GALNTL6: variants seen among roughly 807,000 people sequenced by gnomAD.
GALNTL6 encodes the protein polypeptide N-acetylgalactosaminyltransferase-like 6.
GALNTL6 carries 46 observed loss-of-function variants against 73.7 expected under a neutral mutation model. The ratio of observed to expected loss-of-function variants is 0.62; its 90% CI spans 0.49 to 0.80. The LOEUF (loss-of-function observed/expected upper bound fraction) is 0.80. GALNTL6 is among the 30% of genes least tolerant of loss of function. The pLI is 0.00. For synonymous variants in GALNTL6, 259 were observed against 263.7 expected (o/e 0.98, Z 0.17); for missense variants, 604 against 755.0 (o/e 0.80, Z 2.34).
Position 172,325,962 on chromosome 4 carries a change from A to G in GALNTL6, c.386+14210A>G, listed in dbSNP as rs138291637. ...ATTTATCGAAACAGACCATATCATA[A>G]GTTATGAAACAAATGTTAATGAGTT... On this transcript the variant is annotated intron_variant, in intron 4 of 12. Transcript: ENST00000506823. 1.7e-3 allele frequency among the ~76,000 whole-genome samples: 263 copies of G among 151,978 alleles called. 2 individuals are homozygous for G. The East Asian group carries it at 0.018, about 10-fold the overall frequency.
intron 5 of GALNTL6, among the ~76,000 whole-genome samples, chr4:172,649,627 A>G (rs1740387952): frequency 6.6e-6 from 1 of 152,190 alleles, no homozygotes; most frequent in Non-Finnish European, 1.5e-5. Context: ...ATATCTAAGA[A>G]GCACAGCAAT....
At chr4:172,593,482 C>T (rs1339339253) in intron 5 of GALNTL6, among the ~76,000 whole-genome samples, 1 of 152,140 alleles carries the variant, frequency 6.6e-6, no homozygotes, top group Non-Finnish European at 1.5e-5. Flanking sequence ...TAAATTCCAC[C>T]TATGACAAAT....
rs903293456 is a variant in GALNTL6 at position 172,269,719 on chromosome 4, G to T, written c.247+39955G>T. ...TTACAAATCTGAGTCCTGTTTTTAT[G>T]CATTCTCTCTCTCTCTCTCTCTTTA... is the stretch of plus-strand genomic sequence containing the variant. On this transcript the variant is annotated intron_variant, in intron 3 of 12. Transcript: ENST00000506823. Among the ~76,000 whole-genome samples, 20 of 149,110 alleles carry T rather than the reference G, an allele frequency of 1.3e-4. No individual in the cohort carries two copies. The Admixed American group carries it at 1.3e-3, about 10-fold the overall frequency.
chr4:172,838,139 G>T (rs1743011542), intron 7 of GALNTL6, among the ~76,000 whole-genome samples: 1 of 151,950 alleles, frequency 6.6e-6, no homozygotes, highest in Non-Finnish European at 1.5e-5. Flanking sequence ...AGTGGGGGCA[G>T]TTGAGAGATG....
chr4:172,091,014 T>C (rs1732187685), intron 2 of GALNTL6, among the ~76,000 whole-genome samples: 1 of 152,228 alleles, frequency 6.6e-6, no homozygotes, highest in Non-Finnish European at 1.5e-5. Context: ...AGACTTGTGG[T>C]GTAATTTTGA....
At chr4:172,459,196 C>G (rs1278189398) in intron 5 of GALNTL6, among the ~76,000 whole-genome samples, 3 of 151,812 alleles carry the variant, frequency 2.0e-5, no homozygotes, top group Admixed American at 2.0e-4. Context: ...ATAAACTAAC[C>G]AGTGTTGGAA....
At chr4:172,583,893 C>CAA (rs57722016) in intron 5 of GALNTL6, among the ~76,000 whole-genome samples, 798 of 31,582 alleles carry the variant, frequency 0.025, 79 homozygotes, top group African/African-American at 0.057. Context: ...GACTCTGTCT[C>CAA]AAAAAAAAAA....
At chr4:172,379,256 C>T (rs559167705) in intron 5 of GALNTL6, among the ~76,000 whole-genome samples, 29 of 152,276 alleles carry the variant, frequency 1.9e-4, no homozygotes, top group African/African-American at 5.8e-4. Flanking sequence ...TTAGGCCGGG[C>T]GCGGTGGCTC....
In GALNTL6 at chr4:172,482,419, C is replaced by T. The variant is rs79561139; in HGVS notation, c.553+133730C>T. Reference sequence around the variant, plus strand: ...CGAGAGAGGGCCACCAGCACGTTGTCACTTCTCATCAAGTTAGGGCCAGAT... The same window carrying T: ...CGAGAGAGGGCCACCAGCACGTTGTTACTTCTCATCAAGTTAGGGCCAGAT... On this transcript the variant is annotated intron_variant, in intron 5 of 12. Coordinates refer to ENST00000506823, the MANE Select transcript of GALNTL6 (RefSeq NM_001034845.3). 8.4e-3 allele frequency among the ~76,000 whole-genome samples: 1,274 copies of T among 152,338 alleles called. 11 individuals are homozygous for T. Among genetic ancestry groups the T allele is most frequent in the African/African-American group, 0.029 (1,205 of 41,580 alleles).
At chr4:171,956,230 G>A (rs543800774) in intron 2 of GALNTL6, among the ~76,000 whole-genome samples, 45 of 152,166 alleles carry the variant, frequency 3.0e-4, no homozygotes, top group African/African-American at 1.0e-3. Context: ...GTCTTGAACG[G>A]CGAGGCTAAA....
intron 5 of GALNTL6, among the ~76,000 whole-genome samples, chr4:172,649,158 C>CT (rs539762898): frequency 4.6e-5 from 7 of 152,030 alleles, no homozygotes; most frequent in Non-Finnish European, 7.4e-5. Context: ...ATCCATATGA[C>CT]TTTTTTTTAT....
At chr4:172,731,128 G>A (rs1336522129) in intron 5 of GALNTL6, among the ~76,000 whole-genome samples, 6 of 151,178 alleles carry the variant, frequency 4.0e-5, no homozygotes, top group Non-Finnish European at 7.4e-5. Flanking sequence ...ATTGATATTA[G>A]TTCTTCTTTA....
At chr4:172,889,759 A>G (rs1344602976) in intron 8 of GALNTL6, among the ~76,000 whole-genome samples, 2 of 152,036 alleles carry the variant, frequency 1.3e-5, no homozygotes, top group Non-Finnish European at 2.9e-5. Context: ...TCAGGGTGAT[A>G]CTAGTTTCAT....
At chr4:172,456,221 A>G (rs572542943) in intron 5 of GALNTL6, among the ~76,000 whole-genome samples, 10 of 152,334 alleles carry the variant, frequency 6.6e-5, no homozygotes, top group Admixed American at 5.2e-4. Context: ...GGCCAAATGT[A>G]GATAAATCCA....
intron 2 of GALNTL6, among the ~76,000 whole-genome samples, chr4:171,832,908 G>A (rs896143836): frequency 6.6e-6 from 1 of 151,700 alleles, no homozygotes; most frequent in African/African-American, 2.4e-5. Flanking sequence ...CATCATTAGA[G>A]CAAAATGTTT....
At chr4:171,845,087 G>T (rs1193949034) in intron 2 of GALNTL6, among the ~76,000 whole-genome samples, 3 of 152,148 alleles carry the variant, frequency 2.0e-5, no homozygotes, top group African/African-American at 7.2e-5. Flanking sequence ...ACTGGTTTGT[G>T]TACTAATGAA....
chr4:172,742,779 T>C (rs577925888), intron 5 of GALNTL6, among the ~76,000 whole-genome samples: 2 of 152,202 alleles, frequency 1.3e-5, no homozygotes, highest in South Asian at 4.1e-4. Flanking sequence ...ACCATTTTTC[T>C]AGGACATCAT....
chr4:172,688,890 C>G (rs1733091868), intron 5 of GALNTL6, among the ~76,000 whole-genome samples: 1 of 152,134 alleles, frequency 6.6e-6, no homozygotes, highest in Non-Finnish European at 1.5e-5. Context: ...TGTTTACCTG[C>G]CAAAGACAGA....
At chr4:172,459,919 CA>C (rs1251319912) in intron 5 of GALNTL6, among the ~76,000 whole-genome samples, 2 of 152,090 alleles carry the variant, frequency 1.3e-5, no homozygotes, top group Admixed American at 6.5e-5. Flanking sequence ...CAATCTTAAG[CA>C]AAAAGAACAA....
Sources: allele counts gnomAD v4.1 joint callset (sites outside exome capture counted in the v4.1 genomes callset), GRCh38; gene constraint gnomAD v4.1.1; transcripts MANE v1.5; gene names NCBI Gene and HGNC (gene_info 2026-07-23, HGNC 2026-07-21).